BRD10: variants seen among roughly 807,000 people sequenced by gnomAD.
BRD10 encodes the protein bromodomain containing 10, also known as uncharacterized bromodomain-containing protein 10.
At chr9:5,969,038 C>T in the BRD10 span, 1 of 1,612,182 alleles carries the variant, frequency 6.2e-7, no homozygotes, top group Non-Finnish European at 8.5e-7. Flanking sequence ...AGGACACAAC[C>T]CCAGTTTTTC....
the BRD10 span, chr9:6,007,921 C>A: frequency 2.3e-6 from 3 of 1,333,044 alleles, no homozygotes; most frequent in Non-Finnish European, 2.9e-6. Context: ...TCTCCTCAGC[C>A]GCCGGCTCGG....
the BRD10 span, among the ~76,000 whole-genome samples, chr9:5,940,684 TA>T: frequency 6.6e-6 from 1 of 152,196 alleles, no homozygotes; most frequent in Non-Finnish European, 1.5e-5. Flanking sequence ...TTGTGTACAT[TA>T]CTTTTGGGGG....
the BRD10 span, among the ~76,000 whole-genome samples, chr9:5,918,815 CAAAAA>C: frequency 2.9e-5 from 3 of 104,864 alleles, no homozygotes; most frequent in Non-Finnish European, 6.1e-5. Flanking sequence ...ACAGGTGAGT[CAAAAA>C]AAAAAAAAAA....
At chr9:5,885,502 C>G in the BRD10 span, among the ~76,000 whole-genome samples, 1 of 152,084 alleles carries the variant, frequency 6.6e-6, no homozygotes, top group Non-Finnish European at 1.5e-5. Context: ...TCCTGAGTAG[C>G]TGGGATTACA....
At chr9:5,956,646 A>T in the BRD10 span, among the ~76,000 whole-genome samples, 3 of 152,202 alleles carry the variant, frequency 2.0e-5, no homozygotes, top group Non-Finnish European at 4.4e-5. Context: ...GCTTTAGCTA[A>T]GCTATGGTGA....
At chr9:5,968,059 C>T in the BRD10 span, 2 of 1,543,098 alleles carry the variant, frequency 1.3e-6, no homozygotes, top group South Asian at 2.5e-5. Context: ...TTTTGATGAT[C>T]AATAACTTAT....
chr9:6,007,436 C>T, the BRD10 span: 1 of 1,606,754 alleles, frequency 6.2e-7, no homozygotes, highest in African/African-American at 1.3e-5. Context: ...CTGCGCGGCC[C>T]TTCCGCCACC....
At chr9:5,970,364 G>C in the BRD10 span, among the ~76,000 whole-genome samples, 1 of 152,106 alleles carries the variant, frequency 6.6e-6, no homozygotes, top group South Asian at 2.1e-4. Context: ...ATTAAGCAGG[G>C]AGGTGACAGT....
the BRD10 span, among the ~76,000 whole-genome samples, chr9:5,910,974 T>C: frequency 1.3e-5 from 2 of 152,212 alleles, no homozygotes; most frequent in East Asian, 3.8e-4. Context: ...GTTTGCTATT[T>C]TCTCCCATTC....
chr9:5,900,434 G>C, the BRD10 span, among the ~76,000 whole-genome samples: 1 of 152,066 alleles, frequency 6.6e-6, no homozygotes, highest in African/African-American at 2.4e-5. Context: ...AGTCAGTTTG[G>C]AGATCAGCAG....
the BRD10 span, chr9:5,929,027 T>A: frequency 7.5e-7 from 1 of 1,336,904 alleles, no homozygotes; most frequent in South Asian, 1.2e-5. Context: ...TAAAACAGAT[T>A]ATAACATTAA....
the BRD10 span, chr9:5,988,640 C>A: frequency 1.2e-6 from 1 of 860,204 alleles, no homozygotes; most frequent in East Asian, 2.6e-5. Flanking sequence ...TTGCTAAATA[C>A]ATAAAAGTAT....
chr9:5,929,347 A>C, the BRD10 span, among the ~76,000 whole-genome samples: 1 of 152,224 alleles, frequency 6.6e-6, no homozygotes, highest in Non-Finnish European at 1.5e-5. Context: ...TCTCAATTCT[A>C]CCAGAGAAAT....
the BRD10 span, chr9:5,921,922 T>C: frequency 3.1e-6 from 5 of 1,613,944 alleles, no homozygotes; most frequent in Middle Eastern, 6.6e-4. Context: ...CAAAGCTAGC[T>C]GGAATGGAAA....
chr9:5,885,027 C>T, the BRD10 span, among the ~76,000 whole-genome samples: 2 of 152,202 alleles, frequency 1.3e-5, no homozygotes, highest in Admixed American at 6.5e-5. Flanking sequence ...CTCTTGCTCT[C>T]GGGTGTCTGA....
the BRD10 span, chr9:5,924,621 C>T: frequency 1.6e-6 from 2 of 1,290,292 alleles, no homozygotes; most frequent in Non-Finnish European, 1.0e-6. Context: ...CTCTTTGTGC[C>T]TTCAGTGTTG....
chr9:6,006,489 C>G, the BRD10 span, among the ~76,000 whole-genome samples: 1 of 152,312 alleles, frequency 6.6e-6, no homozygotes, highest in South Asian at 2.1e-4. Context: ...GTATCCTCCT[C>G]TTGTGTTAAA....
the BRD10 span, chr9:5,945,028 A>G: frequency 1.4e-6 from 1 of 717,894 alleles, no homozygotes; most frequent in Non-Finnish European, 2.2e-6. Context: ...TGGTAACAGA[A>G]GTTGTTTTAA....
chr9:5,967,366 C>A, the BRD10 span, among the ~76,000 whole-genome samples: 1 of 152,120 alleles, frequency 6.6e-6, no homozygotes, highest in Admixed American at 6.5e-5. Flanking sequence ...CTGAAGACTT[C>A]ATAGAATTTT....
Sources: allele counts gnomAD v4.1 joint callset (sites outside exome capture counted in the v4.1 genomes callset), GRCh38; gene constraint gnomAD v4.1.1; transcripts MANE v1.5; gene names NCBI Gene and HGNC (gene_info 2026-07-23, HGNC 2026-07-21).